MCU: variants seen among roughly 807,000 people sequenced by gnomAD.
The protein encoded by MCU is calcium uniporter protein, mitochondrial.
A neutral mutation model predicts 45.2 loss-of-function variants in MCU; 12 were observed. That is an observed-to-expected ratio of 0.27 (90% CI 0.17 to 0.43). The LOEUF (loss-of-function observed/expected upper bound fraction) is 0.43, where lower values mean the gene tolerates loss of function less well. Among genes scored for constraint, MCU ranks in the 20% least tolerant of loss-of-function variants. The probability of loss-of-function intolerance (pLI) is 1.00; values close to 1 mark genes in which losing one functional copy is unlikely to be tolerated. For missense variants in MCU, 324 were observed against 436.7 expected, an observed-to-expected ratio of 0.74 and a Z score of 2.30; for synonymous variants, 160 against 165.1, an observed-to-expected ratio of 0.97 and a Z score of 0.24.
chr10:72,744,845 C>G (rs1301608474), intron 1 of MCU, among the ~76,000 whole-genome samples: 2 of 152,154 alleles, frequency 1.3e-5, no homozygotes, highest in African/African-American at 4.8e-5. Context: ...TTAGATAGAC[C>G]TCTGGGGTCA....
chr10:72,859,696 CCTCAT>C (rs1307259197), intron 3 of MCU, among the ~76,000 whole-genome samples: 20 of 151,980 alleles, frequency 1.3e-4, no homozygotes, highest in Admixed American at 1.0e-3. Flanking sequence ...GTAGTTAAAC[CCTCAT>C]CTCTGGAAAG....
At chr10:72,728,091 A>G (rs575882544) in intron 1 of MCU, among the ~76,000 whole-genome samples, 1 of 152,160 alleles carries the variant, frequency 6.6e-6, no homozygotes, top group Admixed American at 6.6e-5. Context: ...TGAGTATGAG[A>G]TGCCACTGCT....
At chr10:72,776,474 T>G (rs140749215) in intron 1 of MCU, among the ~76,000 whole-genome samples, 114 of 152,284 alleles carry the variant, frequency 7.5e-4, no homozygotes, top group Middle Eastern at 3.4e-3. Flanking sequence ...AACCACATCA[T>G]TGTTTCAACA....
intron 5 of MCU, among the ~76,000 whole-genome samples, chr10:72,870,799 T>A (rs1394273183): frequency 6.6e-6 from 1 of 152,208 alleles, no homozygotes; most frequent in African/African-American, 2.4e-5. Context: ...GAAGATAATC[T>A]TGTGACTGGA....
chr10:72,739,096 T>C (rs1843289453), intron 1 of MCU, among the ~76,000 whole-genome samples: 1 of 152,214 alleles, frequency 6.6e-6, no homozygotes, highest in African/African-American at 2.4e-5. Flanking sequence ...CACAGTGATG[T>C]GCTATATATT....
chr10:72,711,052 G>A (rs1231222379), intron 1 of MCU, among the ~76,000 whole-genome samples: 4 of 151,714 alleles, frequency 2.6e-5, no homozygotes, highest in African/African-American at 4.8e-5. Flanking sequence ...GGTGGTGGGC[G>A]CCTGTAATCC....
chr10:72,754,626 G>A (rs1024732681), intron 1 of MCU, among the ~76,000 whole-genome samples: 8 of 152,140 alleles, frequency 5.3e-5, no homozygotes, highest in African/African-American at 1.9e-4. Flanking sequence ...ACACACCTGT[G>A]GTCCCAGCAC....
At chr10:72,702,769 GAGCT>G (rs2132650754) in intron 1 of MCU, among the ~76,000 whole-genome samples, 1 of 152,178 alleles carries the variant, frequency 6.6e-6, no homozygotes, top group East Asian at 1.9e-4. Context: ...CTGAGGTCAG[GAGCT>G]CAAGACCAGC....
chr10:72,860,783 A>G (rs115978375), intron 4 of MCU, among the ~76,000 whole-genome samples: 306 of 152,342 alleles, frequency 2.0e-3, no homozygotes, highest in African/African-American at 7.2e-3. Flanking sequence ...TCTGTTTCAC[A>G]TAAATGAATG....
intron 1 of MCU, among the ~76,000 whole-genome samples, chr10:72,740,987 A>G (rs530509998): frequency 1.3e-5 from 2 of 152,246 alleles, no homozygotes; most frequent in Admixed American, 6.5e-5. Context: ...TTACTTAGTC[A>G]TGCATTTATT....
chr10:72,820,913 GT>G (rs745599064), intron 1 of MCU, among the ~76,000 whole-genome samples: 85 of 145,618 alleles, frequency 5.8e-4, no homozygotes, highest in Middle Eastern at 7.1e-3. Context: ...TCTGTTGTTG[GT>G]TTTTTTTTTT....
At chr10:72,769,427 A>G (rs1005206583) in intron 1 of MCU, among the ~76,000 whole-genome samples, 5 of 152,114 alleles carry the variant, frequency 3.3e-5, no homozygotes, top group Non-Finnish European at 5.9e-5. Context: ...AATATTGATG[A>G]AACATACTAT....
At chr10:72,693,849 C>G (rs181636593) in intron 1 of MCU, among the ~76,000 whole-genome samples, 3 of 152,234 alleles carry the variant, frequency 2.0e-5, no homozygotes, top group African/African-American at 7.2e-5. Flanking sequence ...CGTCGAACTA[C>G]TTAAAGGCTT....
chr10:72,875,535 GTAAA>G (rs1362563377), intron 6 of MCU, among the ~76,000 whole-genome samples: 4 of 152,142 alleles, frequency 2.6e-5, no homozygotes, highest in Non-Finnish European at 5.9e-5. Flanking sequence ...CAAATAAAAT[GTAAA>G]TAGTTTTCAT....
intron 1 of MCU, among the ~76,000 whole-genome samples, chr10:72,694,129 G>C (rs890523913): frequency 2.0e-4 from 30 of 152,136 alleles, no homozygotes; most frequent in African/African-American, 7.0e-4. Context: ...CTAAAGGGCA[G>C]GAATGTTATG....
At chr10:72,779,219 C>T (rs1297400435) in intron 1 of MCU, among the ~76,000 whole-genome samples, 6 of 152,156 alleles carry the variant, frequency 3.9e-5, no homozygotes, top group Admixed American at 3.3e-4. Flanking sequence ...CCCCCCACCT[C>T]GGCTTCCCAA....
intron 1 of MCU, among the ~76,000 whole-genome samples, chr10:72,788,002 C>A (rs997662550): frequency 6.6e-6 from 1 of 152,218 alleles, no homozygotes; most frequent in Admixed American, 6.5e-5. Context: ...CAGGCATGAG[C>A]CACTGCGCCC....
At chr10:72,795,691 A>G (rs1844232222) in intron 1 of MCU, among the ~76,000 whole-genome samples, 1 of 152,092 alleles carries the variant, frequency 6.6e-6, no homozygotes, top group Non-Finnish European at 1.5e-5. Context: ...GCACAAAGGA[A>G]CAGTGTAGTT....
chr10:72,807,649 C>T lies in MCU; in HGVS notation c.151-26710C>T, dbSNP rs186624171. ...TTCACCATATACATACCCACCCTCCCTCTCCTCTCACACACACACATAAGC... is the reference window on the plus strand; with the variant it reads ...TTCACCATATACATACCCACCCTCCTTCTCCTCTCACACACACACATAAGC... On this transcript the variant is annotated intron_variant, in intron 1 of 7. Transcript: ENST00000373053. Among the ~76,000 whole-genome samples the T allele has an allele frequency of 5.9e-5, 9 of 152,206 alleles. No individual in the cohort carries two copies. In the East Asian group the frequency reaches 1.7e-3, roughly 29 times the overall value.
Sources: gnomAD v4.1 joint callset for allele counts (sites outside exome capture counted in the v4.1 genomes callset) on GRCh38, gnomAD v4.1.1 for gene constraint, MANE v1.5 for transcripts, NCBI Gene and HGNC (gene_info 2026-07-23, HGNC 2026-07-21) for gene names.